Variants in ACLY observed in about 807,000 individuals in gnomAD.
ACLY encodes the protein ATP citrate lyase.
In ACLY, 41 loss-of-function variants were observed where a neutral mutation model predicts 133.0. That is an observed-to-expected ratio of 0.31 (90% CI 0.24 to 0.40). ACLY has a LOEUF of 0.40. Among genes scored for constraint, ACLY ranks in the 10% least tolerant of loss-of-function variants. ACLY has a pLI of 1.00. For missense variants in ACLY, 1,046 were observed against 1,453.8 expected (o/e 0.72, Z 4.56); for synonymous variants, 495 against 549.3 (o/e 0.90, Z 1.38).
At chr17:41,896,558 G>A (rs2049371961) in intron 14 of ACLY, 62 bp downstream of exon 14, 2 of 1,474,404 alleles carry the variant, frequency 1.4e-6, no homozygotes, top group East Asian at 2.4e-5. Context: ...AGAGCACACA[G>A]TAAAACTGTC....
intron 1 of ACLY, among the ~76,000 whole-genome samples, chr17:41,917,344 G>A (rs1276662333): frequency 6.6e-6 from 1 of 152,020 alleles, no homozygotes; most frequent in African/African-American, 2.4e-5. Context: ...AAACCATTTG[G>A]GGGAAATCAT....
intron 25 of ACLY, among the ~76,000 whole-genome samples, chr17:41,870,192 G>A (rs1169780671): frequency 6.6e-6 from 1 of 152,152 alleles, no homozygotes. Flanking sequence ...CTAGAAAGCG[G>A]GGAGCTCAAA....
At chr17:41,880,723 G>A (rs1003619432) in intron 20 of ACLY, among the ~76,000 whole-genome samples, 9 of 151,904 alleles carry the variant, frequency 5.9e-5, no homozygotes, top group African/African-American at 1.2e-4. Context: ...AAAATTAGCC[G>A]AGTGTGGTGG....
chr17:41,901,361 CCT>C (rs1438838212), intron 11 of ACLY, among the ~76,000 whole-genome samples: 2 of 152,272 alleles, frequency 1.3e-5, no homozygotes, highest in Admixed American at 6.5e-5. Context: ...CTCGGCACCC[CCT>C]GACATAGCAG....
intron 20 of ACLY, among the ~76,000 whole-genome samples, chr17:41,880,021 C>T (rs1026984596): frequency 8.5e-5 from 13 of 152,268 alleles, no homozygotes; most frequent in Non-Finnish European, 1.0e-4. Context: ...TGAGCCAGCG[C>T]GCCCAGCGTG....
upstream of ACLY, among the ~76,000 whole-genome samples, chr17:41,920,055 A>C (rs1471687454): frequency 6.6e-6 from 1 of 152,210 alleles, no homozygotes; most frequent in African/African-American, 2.4e-5. Flanking sequence ...CCCAGAATGC[A>C]GGGAAGCAGC....
At chr17:41,926,276 C>T (rs933253514) in intron 1 of ACLY, among the ~76,000 whole-genome samples, 2 of 152,194 alleles carry the variant, frequency 1.3e-5, no homozygotes, top group Non-Finnish European at 2.9e-5. Flanking sequence ...TCCTGCTAAT[C>T]GAACCCAAGG....
chr17:41,913,935 G>A (rs527339980), intron 1 of ACLY, 39 bp from the exon 2 acceptor site: 4 of 1,597,530 alleles, frequency 2.5e-6, no homozygotes, highest in East Asian at 2.2e-5. Context: ...GGGGGCAGGC[G>A]TGTGGAGGCA....
chr17:41,912,456 C>G lies in ACLY; in HGVS notation c.246G>C (p.Lys82Asn). 6.2e-7 allele frequency: 1 copy of G among 1,614,232 alleles called. No individual in the cohort carries two copies. The highest frequency in any genetic ancestry group is 8.5e-7 in the Non-Finnish European group (1 of 1,180,038). The change falls in exon 3 of 29, where the codon AAG (lysine) becomes AAC (asparagine). Residue 82 changes from lysine (K) to asparagine (N), a missense_variant. Coordinates refer to ENST00000352035, the MANE Select transcript of ACLY (RefSeq NM_001096.3). ...VGVNLTLDGV[K>N]SWLKPRLGQE... Reference sequence around the variant, plus strand: ...GTCCCAGCCGTGGCTTCAGCCAGGACTTGACCCCATCCAGAGTGAGGTTGA... The same window carrying G: ...GTCCCAGCCGTGGCTTCAGCCAGGAGTTGACCCCATCCAGAGTGAGGTTGA...
chr17:41,897,667 G>C lies in ACLY; in HGVS notation c.1429+82C>G, dbSNP rs944588922. On this transcript the variant is annotated intron_variant, in intron 13 of 28. Coordinates refer to ENST00000352035, the MANE Select transcript of ACLY (RefSeq NM_001096.3). The stretch of plus-strand genomic sequence containing the variant: ...TGTTCATCTGCCTCTGCCAGCCCAG[G>C]GGGGAAAGGGAAAGGGGAGAGAGAT... The C allele has an allele frequency of 1.9e-5, 26 of 1,351,684 alleles. No individual in the cohort carries two copies. In the African/African-American group the frequency reaches 2.0e-4, roughly 11 times the overall value. 83.7% of individuals were successfully genotyped at this position (1,351,684 alleles called of 1,614,324 possible).
chr17:41,898,789 C>G lies in ACLY; in HGVS notation c.1184-4G>C. On this transcript the variant is annotated splice_polypyrimidine_tract_variant and splice_region_variant and intron_variant, in intron 11 of 28. Transcript: ENST00000352035. ...ATGGGGATCCCAGTGGTCTTCCCTG[C>G]AAGGGAAGGAAAAAAAAATCCATAA... 6.2e-7 allele frequency: 1 copy of G among 1,608,616 alleles called. No homozygotes were observed.
chr17:41,869,934 C>CTTTTAGCTGCATAATCAAAAAAAG (rs2048557222), intron 25 of ACLY, among the ~76,000 whole-genome samples: 2 of 152,308 alleles, frequency 1.3e-5, no homozygotes, highest in African/African-American at 4.8e-5. Context: ...GTCTTAGGTT[C>CTTTTAGCTGCATAATCAAAAAAAG]CAGCCTCCAG....
chr17:41,878,742 C>T, intron 21 of ACLY, 55 bp downstream of exon 21: 1 of 1,609,162 alleles, frequency 6.2e-7, no homozygotes, highest in Non-Finnish European at 8.5e-7. Context: ...GCTGCTGTCT[C>T]AGGAGGGATT....
intron 16 of ACLY, among the ~76,000 whole-genome samples, chr17:41,889,285 G>A (rs782298586): frequency 6.6e-6 from 1 of 151,812 alleles, no homozygotes; most frequent in Non-Finnish European, 1.5e-5. Context: ...TTGGGAGGCC[G>A]AGGCGGTTGG....
At chr17:41,895,949 G>GT (rs1408294035) in intron 14 of ACLY, among the ~76,000 whole-genome samples, 1 of 152,164 alleles carries the variant, frequency 6.6e-6, no homozygotes, top group Admixed American at 6.5e-5. Flanking sequence ...ATGCACAGAA[G>GT]TATCCACTGT....
chr17:41,872,975 T>C (rs1393835035), intron 23 of ACLY, among the ~76,000 whole-genome samples: 1 of 152,120 alleles, frequency 6.6e-6, no homozygotes, highest in Non-Finnish European at 1.5e-5. Context: ...GGTGAGGGCA[T>C]GACACAACCA....
intron 1 of ACLY, among the ~76,000 whole-genome samples, chr17:41,928,042 G>C (rs1351310032): frequency 2.6e-5 from 4 of 152,098 alleles, no homozygotes; most frequent in African/African-American, 7.2e-5. Flanking sequence ...AGGAGGCTGA[G>C]GTGGGAGGGT....
intron 14 of ACLY, among the ~76,000 whole-genome samples, chr17:41,893,847 T>A (rs2049284525): frequency 6.6e-6 from 1 of 152,134 alleles, no homozygotes; most frequent in South Asian, 2.1e-4. Context: ...TTCCTGTCCT[T>A]CTCCCTTCTA....
intron 21 of ACLY, 80 bp from the exon 22 acceptor site, chr17:41,878,276 C>G: frequency 1.1e-6 from 1 of 888,494 alleles, no homozygotes; most frequent in Non-Finnish European, 1.6e-6. Context: ...AATGCTCTAT[C>G]TAACCCAAAC....
Sources: allele counts gnomAD v4.1 joint callset (sites outside exome capture counted in the v4.1 genomes callset), GRCh38; gene constraint gnomAD v4.1.1; transcripts MANE v1.5; gene names NCBI Gene and HGNC (gene_info 2026-07-23, HGNC 2026-07-21).